The following CALN1 variants were observed in gnomAD, a reference collection of about 807,000 sequenced individuals.
CALN1 encodes the protein calcium-binding protein 8.
In CALN1, 17 loss-of-function variants were observed where a neutral mutation model predicts 30.6. The ratio of observed to expected loss-of-function variants is 0.56; its 90% CI spans 0.38 to 0.83. The LOEUF (loss-of-function observed/expected upper bound fraction) is 0.83, where lower values mean the gene tolerates loss of function less well. Among genes scored for constraint, CALN1 ranks in the 40% least tolerant of loss-of-function variants. The pLI is 0.00. For synonymous variants in CALN1, 156 were observed against 131.4 expected (o/e 1.19, Z -1.28); for missense variants, 291 against 354.9 (o/e 0.82, Z 1.45).
intron 5 of CALN1, among the ~76,000 whole-genome samples, chr7:71,878,606 G>A (rs1052220838): frequency 6.6e-6 from 1 of 152,234 alleles, no homozygotes; most frequent in Admixed American, 6.5e-5. Context: ...CAGCTGAAAT[G>A]GAAGTGGATT....
intron 2 of CALN1, among the ~76,000 whole-genome samples, chr7:72,369,921 A>T (rs1395294396): frequency 1.3e-5 from 2 of 152,162 alleles, no homozygotes; most frequent in Non-Finnish European, 2.9e-5. Context: ...ATAAAGCTGC[A>T]ATTAGTAGTC....
intron 5 of CALN1, among the ~76,000 whole-genome samples, chr7:71,937,384 A>G (rs1396379378): frequency 6.6e-6 from 1 of 151,582 alleles, no homozygotes; most frequent in African/African-American, 2.4e-5. Context: ...ACATATAAAT[A>G]TGTATATATG....
chr7:71,846,991 CAT>C (rs559574146), intron 5 of CALN1, among the ~76,000 whole-genome samples: 1 of 147,592 alleles, frequency 6.8e-6, no homozygotes, highest in Admixed American at 6.9e-5. Context: ...TATACACACA[CAT>C]ATATATATAT....
chr7:71,845,485 G>T (rs1051174793), intron 5 of CALN1, among the ~76,000 whole-genome samples: 5 of 152,168 alleles, frequency 3.3e-5, no homozygotes, highest in African/African-American at 1.2e-4. Context: ...CTTTGTTCAC[G>T]GCCCAAGCCC....
intron 3 of CALN1, among the ~76,000 whole-genome samples, chr7:72,240,085 A>G (rs985636689): frequency 2.6e-5 from 4 of 152,096 alleles, no homozygotes; most frequent in Non-Finnish European, 5.9e-5. Context: ...AGCTGTAATG[A>G]CTTGAGACTA....
chr7:72,135,590 A>G (rs764167040), intron 3 of CALN1, among the ~76,000 whole-genome samples: 3 of 152,234 alleles, frequency 2.0e-5, no homozygotes, highest in Non-Finnish European at 2.9e-5. Context: ...TCAATAAACC[A>G]TGCTATAAAC....
chr7:72,247,382 G>T (rs1471699554), intron 3 of CALN1, among the ~76,000 whole-genome samples: 1 of 150,898 alleles, frequency 6.6e-6, no homozygotes, highest in African/African-American at 2.4e-5. Context: ...AGAATAGCTG[G>T]GACTACAGGT....
chr7:72,288,641 CAG>C (rs1798264820), intron 2 of CALN1, among the ~76,000 whole-genome samples: 1 of 152,166 alleles, frequency 6.6e-6, no homozygotes. Context: ...TTGGTATTAG[CAG>C]ACTGTTTCAT....
upstream of CALN1, chr7:72,412,468 C>CTGAT (rs1807249945): frequency 6.6e-6 from 1 of 152,140 alleles, no homozygotes; most frequent in African/African-American, 2.4e-5. Context: ...TTACAGAGTG[C>CTGAT]TGATTGGTCC....
At chr7:72,143,699 A>G (rs1244234692) in intron 3 of CALN1, among the ~76,000 whole-genome samples, 8 of 151,172 alleles carry the variant, frequency 5.3e-5, no homozygotes, top group Non-Finnish European at 7.4e-5. Flanking sequence ...TGAAATGAAG[A>G]AAAAAATGTT....
chr7:72,190,547 T>C (rs954133170), intron 3 of CALN1, among the ~76,000 whole-genome samples: 3 of 152,208 alleles, frequency 2.0e-5, no homozygotes, highest in African/African-American at 7.2e-5. Context: ...AGTTTCCAAA[T>C]GCTAGTTAAT....
At chr7:71,932,619 C>T (rs926026117) in intron 5 of CALN1, among the ~76,000 whole-genome samples, 11 of 151,902 alleles carry the variant, frequency 7.2e-5, no homozygotes, top group African/African-American at 2.4e-4. Context: ...CAAGACCATC[C>T]TGGCTAACAC....
At chr7:72,188,582 A>C (rs936993637) in intron 3 of CALN1, among the ~76,000 whole-genome samples, 2 of 152,116 alleles carry the variant, frequency 1.3e-5, no homozygotes, top group Non-Finnish European at 2.9e-5. Flanking sequence ...GGAATAAAAA[A>C]TTACAAATTG....
intron 1 of CALN1, among the ~76,000 whole-genome samples, chr7:72,408,389 G>A (rs1204319559): frequency 6.6e-6 from 1 of 152,086 alleles, no homozygotes; most frequent in East Asian, 1.9e-4. Flanking sequence ...AGGTTGCAGT[G>A]AGCTGAGATC....
intron 2 of CALN1, among the ~76,000 whole-genome samples, chr7:72,289,867 C>T (rs901947169): frequency 2.0e-5 from 3 of 151,492 alleles, no homozygotes; most frequent in Non-Finnish European, 4.4e-5. Context: ...AAGGTGGGAG[C>T]CCGGAGTTCA....
chr7:71,845,580 AG>A lies in CALN1; in HGVS notation c.502-35089del, dbSNP rs779937062. ...TCCTGCTTTATGATTTTCTGCCTCTAGCCCTTTCCCCCTAGCCCTGAACCCT... is the reference window on the plus strand; with the variant it reads ...TCCTGCTTTATGATTTTCTGCCTCTACCCTTTCCCCCTAGCCCTGAACCCT... On this transcript the variant is annotated intron_variant, in intron 5 of 6. Transcript: ENST00000395275. 1.6e-4 allele frequency among the ~76,000 whole-genome samples: 25 copies of A among 152,250 alleles called. 2 individuals carry two copies. The East Asian group carries it at 4.3e-3, about 26-fold the overall frequency.
At chr7:72,491,658 A>G in the CALN1 span, among the ~76,000 whole-genome samples, 1 of 152,156 alleles carries the variant, frequency 6.6e-6, no homozygotes, top group Non-Finnish European at 1.5e-5. Context: ...GGCCTTCAGG[A>G]CTGCTGTGTG....
At chr7:72,476,674 T>C in the CALN1 span, among the ~76,000 whole-genome samples, 4 of 152,204 alleles carry the variant, frequency 2.6e-5, no homozygotes, top group African/African-American at 4.8e-5. Context: ...TCTCAGCCTA[T>C]AGCATTCAGG....
rs181988953 is a variant in CALN1, at chr7:72,029,148, A to G, written c.389-5379T>C. The stretch of plus-strand genomic sequence containing the variant: ...TTTGGTCTTTTTTTTTCTTTTTGAG[A>G]CAGAGTCTCACTCTGTTGCCCAGGC... On this transcript the variant is annotated intron_variant, in intron 4 of 6. Transcript: ENST00000395275. Among the ~76,000 whole-genome samples the G allele has an allele frequency of 2.8e-4, 43 of 151,396 alleles. No homozygotes were observed. The East Asian group carries it at 3.9e-3, about 14-fold the overall frequency.
Sources: allele counts gnomAD v4.1 joint callset (sites outside exome capture counted in the v4.1 genomes callset), GRCh38; gene constraint gnomAD v4.1.1; transcripts MANE v1.5; gene names NCBI Gene and HGNC (gene_info 2026-07-23, HGNC 2026-07-21).